Variants in CADM1 observed in about 807,000 individuals in gnomAD.
CADM1 encodes cell adhesion molecule 1.
In CADM1, 15 loss-of-function variants were observed where a neutral mutation model predicts 53.1. That is an observed-to-expected ratio of 0.28 (90% CI 0.19 to 0.44). CADM1 has a LOEUF of 0.44. Among genes scored for constraint, CADM1 ranks in the 20% least tolerant of loss-of-function variants. The probability of loss-of-function intolerance (pLI) is 1.00; values close to 1 mark genes in which losing one functional copy is unlikely to be tolerated. For missense variants in CADM1, 434 were observed against 611.3 expected (o/e 0.71, Z 3.06); for synonymous variants, 281 against 243.0 (o/e 1.16, Z -1.45).
chr11:115,310,636 T>C (rs1004472748), intron 1 of CADM1, among the ~76,000 whole-genome samples: 1 of 152,122 alleles, frequency 6.6e-6, no homozygotes, highest in African/African-American at 2.4e-5. Flanking sequence ...ATGCAAAGAC[T>C]GTGTGACACC....
chr11:115,220,910 C>T (rs1042694009), intron 5 of CADM1, among the ~76,000 whole-genome samples: 1 of 152,282 alleles, frequency 6.6e-6, no homozygotes, highest in African/African-American at 2.4e-5. Flanking sequence ...CCAAACAATC[C>T]AGATGGCTGA....
chr11:115,382,631 T>C (rs571453003), intron 1 of CADM1, among the ~76,000 whole-genome samples: 2 of 152,302 alleles, frequency 1.3e-5, no homozygotes, highest in South Asian at 2.1e-4. Context: ...AGAGATTTTA[T>C]GTTAAATCTT....
intron 1 of CADM1, among the ~76,000 whole-genome samples, chr11:115,263,054 G>T (rs1943023591): frequency 2.6e-5 from 4 of 152,212 alleles, no homozygotes; most frequent in Admixed American, 1.3e-4. Context: ...GCTTTCTCAT[G>T]ATAACACCGA....
At chr11:115,476,120 T>C (rs545655001) in intron 1 of CADM1, among the ~76,000 whole-genome samples, 22 of 152,156 alleles carry the variant, frequency 1.4e-4, no homozygotes, top group South Asian at 6.2e-4. Flanking sequence ...AATATGCAAT[T>C]CACATTCAAA....
At chr11:115,281,836 A>G (rs1483955505) in intron 1 of CADM1, among the ~76,000 whole-genome samples, 2 of 152,222 alleles carry the variant, frequency 1.3e-5, no homozygotes, top group African/African-American at 4.8e-5. Flanking sequence ...GTAAGTTTAA[A>G]ATCATAATAC....
At chr11:115,335,941 T>C (rs1159999836) in intron 1 of CADM1, among the ~76,000 whole-genome samples, 5 of 152,152 alleles carry the variant, frequency 3.3e-5, no homozygotes, top group Non-Finnish European at 7.4e-5. Context: ...TCTCTTAAAA[T>C]GACAGGCTCA....
chr11:115,181,372 A>T (rs188876360), intron 10 of CADM1, among the ~76,000 whole-genome samples: 1 of 152,214 alleles, frequency 6.6e-6, no homozygotes, highest in Admixed American at 6.5e-5. Context: ...CCCAAATTAA[A>T]CTAGAACCTT....
At chr11:115,450,694 C>T (rs1948552127) in intron 1 of CADM1, among the ~76,000 whole-genome samples, 1 of 152,196 alleles carries the variant, frequency 6.6e-6, no homozygotes, top group Non-Finnish European at 1.5e-5. Context: ...AAATTATGCT[C>T]AAGTTCCAAA....
At position 115,215,697 on chromosome 11, in the gene CADM1, T is replaced by A. The variant is rs573458710; in HGVS notation, c.822-917A>T. Among the ~76,000 whole-genome samples, 11 of 152,304 alleles carry A rather than the reference T, an allele frequency of 7.2e-5. No individual in the cohort carries two copies. In the South Asian group the frequency reaches 2.1e-3, roughly 29 times the overall value. On this transcript the variant is annotated intron_variant, in intron 6 of 11. Coordinates refer to ENST00000331581, the MANE Select transcript of CADM1 (RefSeq NM_001301043.2). Reference sequence around the variant, plus strand: ...AAGCTAAAAATGCATACACACCAAGTATCTTTTGAAAACTTCCATTCTTCA... The same window carrying A: ...AAGCTAAAAATGCATACACACCAAGAATCTTTTGAAAACTTCCATTCTTCA...
chr11:115,428,958 C>T (rs956032761), intron 1 of CADM1, among the ~76,000 whole-genome samples: 20 of 152,258 alleles, frequency 1.3e-4, no homozygotes, highest in African/African-American at 4.8e-4. Flanking sequence ...AGGCCCAGTA[C>T]GTGGCAAGCC....
intron 1 of CADM1, among the ~76,000 whole-genome samples, chr11:115,428,780 C>CGTGTGTGTGTGT (rs45437796): frequency 4.0e-5 from 6 of 151,022 alleles, no homozygotes; most frequent in Non-Finnish European, 7.4e-5. Flanking sequence ...TGTGTGTGTG[C>CGTGTGTGTGTGT]GTGTGTGTGT....
intron 10 of CADM1, among the ~76,000 whole-genome samples, chr11:115,181,362 C>T (rs911161135): frequency 1.3e-5 from 2 of 152,168 alleles, no homozygotes; most frequent in African/African-American, 2.4e-5. Flanking sequence ...CTGCACTTTG[C>T]CCAAATTAAA....
chr11:115,355,097 C>A (rs1409826731), intron 1 of CADM1, among the ~76,000 whole-genome samples: 2 of 152,118 alleles, frequency 1.3e-5, no homozygotes, highest in Non-Finnish European at 2.9e-5. Flanking sequence ...CAATCCAGAA[C>A]ACAAAGATAA....
At chr11:115,332,684 ACCCTT>A (rs1945163173) in intron 1 of CADM1, among the ~76,000 whole-genome samples, 1 of 152,098 alleles carries the variant, frequency 6.6e-6, no homozygotes, top group African/African-American at 2.4e-5. Flanking sequence ...ATAGGGGAGT[ACCCTT>A]AACCCATCCT....
At chr11:115,177,884 T>A (rs1465796329) in intron 11 of CADM1, among the ~76,000 whole-genome samples, 1 of 152,076 alleles carries the variant, frequency 6.6e-6, no homozygotes, top group Non-Finnish European at 1.5e-5. Flanking sequence ...AGTCAAGCAG[T>A]ATGCAAGCAC....
chr11:115,214,752 C>T lies in CADM1; in HGVS notation c.850G>A (p.Asp284Asn), dbSNP rs1471338171. 2 of 1,613,902 alleles carry T rather than the reference C, an allele frequency of 1.2e-6. No individual in the cohort carries two copies. The highest frequency in any genetic ancestry group is 1.1e-5 in the South Asian group (1 of 91,068). Residue 284 changes from aspartate to asparagine, a missense_variant, in exon 7 of 12, where the codon GAT (aspartate) becomes AAT (asparagine). By Grantham distance (23) the Asp-to-Asn change is conservative. Around this residue, in one of 4 missense-constraint regions of CADM1, gnomAD observed 311 missense variants for 435.1 expected, o/e 0.71. Coordinates refer to ENST00000331581, the MANE Select transcript of CADM1 (RefSeq NM_001301043.2). ...QPVMVTWVRV[D>N]DEMPQHAVLS... ...ACGGCGTGTTGAGGCATTTCATCATCGACTCTCACCCAAGTTACCATCACA... is the reference window on the plus strand; with the variant it reads ...ACGGCGTGTTGAGGCATTTCATCATTGACTCTCACCCAAGTTACCATCACA...
intron 1 of CADM1, among the ~76,000 whole-genome samples, chr11:115,437,277 T>G (rs559264223): frequency 2.0e-5 from 3 of 152,308 alleles, no homozygotes; most frequent in African/African-American, 7.2e-5. Context: ...TGTTCAATCC[T>G]TTCTTGGTCT....
At chr11:115,473,024 C>T (rs1039668002) in intron 1 of CADM1, among the ~76,000 whole-genome samples, 1 of 152,164 alleles carries the variant, frequency 6.6e-6, no homozygotes, top group Non-Finnish European at 1.5e-5. Context: ...CAGGTGCTAA[C>T]ATAGCTTCTC....
At chr11:115,310,837 T>G (rs542968449) in intron 1 of CADM1, among the ~76,000 whole-genome samples, 2 of 152,296 alleles carry the variant, frequency 1.3e-5, no homozygotes, top group East Asian at 1.9e-4. Context: ...TACATTTCAG[T>G]GTCTGACCCA....
Sources: allele counts gnomAD v4.1 joint callset (sites outside exome capture counted in the v4.1 genomes callset), GRCh38; gene constraint gnomAD v4.1.1; regional missense constraint gnomAD v4.1.1; transcripts MANE v1.5; gene names NCBI Gene and HGNC (gene_info 2026-07-23, HGNC 2026-07-21).